The following TMEM132C variants were observed in gnomAD, a reference collection of about 807,000 sequenced individuals.
The protein encoded by TMEM132C is protein phosphatase 1, regulatory subunit 152.
TMEM132C carries 29 observed loss-of-function variants against 61.4 expected under a neutral mutation model. The observed-to-expected ratio is 0.47, with a 90% CI of 0.35 to 0.64. The LOEUF (loss-of-function observed/expected upper bound fraction) is 0.64, where lower values mean the gene tolerates loss of function less well. Ranked by LOEUF, TMEM132C falls within the 30% of genes least tolerant of loss-of-function variation. The pLI, the probability that TMEM132C is intolerant of heterozygous loss-of-function variation, is 0.00. For missense variants in TMEM132C, 1,408 were observed against 1,476.9 expected (o/e 0.95, Z 0.76); for synonymous variants, 656 against 633.1 (o/e 1.04, Z -0.54).
chr12:128,605,483 T>G (rs1166099938), intron 3 of TMEM132C, among the ~76,000 whole-genome samples: 2 of 152,178 alleles, frequency 1.3e-5, no homozygotes, highest in Non-Finnish European at 2.9e-5. Context: ...AGAAACACCC[T>G]CACAGATACA....
intron 1 of TMEM132C, among the ~76,000 whole-genome samples, chr12:128,380,736 C>T (rs1391404723): frequency 6.6e-6 from 1 of 152,158 alleles, no homozygotes. Context: ...CACAGCAAGA[C>T]CCCATCTCTT....
rs1288783795 is a variant in TMEM132C at position 128,705,555 on chromosome 12, C to A, written c.2587C>A (p.Leu863Met). The A allele has an allele frequency of 1.3e-6, 2 of 1,551,026 alleles. No individual in the cohort carries two copies. Among genetic ancestry groups the A allele is most frequent in the Non-Finnish European group, 1.7e-6 (2 of 1,147,006 alleles). Residue 863 changes from leucine (L) to methionine (M), a missense_variant, in exon 9 of 9, where the codon CTG becomes ATG. Physicochemically the swap from Leu to Met is conservative, Grantham distance 15. Coordinates refer to ENST00000435159, the MANE Select transcript of TMEM132C (RefSeq NM_001136103.3). ...AAGAGCCACTACCACGGCCAGGTCC[C>A]TGCTGGACAACAAAGTGGTGAAGAA... The part of the protein sequence containing the change: ...LRRATTTARS[L>M]LDNKVVKNSR...
At chr12:128,521,865 A>C (rs921714062) in intron 2 of TMEM132C, among the ~76,000 whole-genome samples, 1 of 152,316 alleles carries the variant, frequency 6.6e-6, no homozygotes, top group East Asian at 1.9e-4. Flanking sequence ...TGTATGTAAA[A>C]ATCCCTATCA....
At chr12:128,589,208 A>G (rs1428988189) in intron 3 of TMEM132C, among the ~76,000 whole-genome samples, 2 of 152,306 alleles carry the variant, frequency 1.3e-5, no homozygotes, top group Middle Eastern at 6.8e-3. Context: ...CACGAAGGCA[A>G]GGCGCACAAG....
Position 128,326,784 on chromosome 12 carries a change from C to T in TMEM132C, c.85+59297C>T, listed in dbSNP as rs571693804. Reference sequence around the variant, plus strand: ...CTTTATGGCTCCCACATCTCGTTACCGACTTCACAATATTTTTTTTTTCTT... The same window carrying T: ...CTTTATGGCTCCCACATCTCGTTACTGACTTCACAATATTTTTTTTTTCTT... On this transcript the variant is annotated intron_variant, in intron 1 of 8. Coordinates refer to ENST00000435159, the MANE Select transcript of TMEM132C (RefSeq NM_001136103.3). This position sits in a 1 kb window ranked among gnomAD's most constrained non-coding sequence, Gnocchi z 5.6. Among the ~76,000 whole-genome samples, 4 of 139,020 alleles carry T rather than the reference C, an allele frequency of 2.9e-5. No individual in the cohort carries two copies. The highest frequency in any genetic ancestry group is 5.9e-5 in the Non-Finnish European group (4 of 67,944). 91.2% of individuals were successfully genotyped at this position (139,020 alleles called of 152,430 possible).
intron 3 of TMEM132C, among the ~76,000 whole-genome samples, chr12:128,567,429 GAC>G (rs140541188): frequency 0.14 from 18,584 of 135,978 alleles, 1,253 homozygotes; most frequent in Admixed American, 0.21. Context: ...CATACCCATA[GAC>G]ACACACACAC....
At chr12:128,369,026 G>A (rs1873953554) in intron 1 of TMEM132C, among the ~76,000 whole-genome samples, 1 of 152,228 alleles carries the variant, frequency 6.6e-6, no homozygotes, top group Non-Finnish European at 1.5e-5. Flanking sequence ...GTCCTGAGAA[G>A]GTGTGAGTGG....
At chr12:128,324,084 C>T (rs949502941) in intron 1 of TMEM132C, among the ~76,000 whole-genome samples, 6 of 152,142 alleles carry the variant, frequency 3.9e-5, no homozygotes, top group African/African-American at 1.2e-4. Context: ...AATTTGTGGA[C>T]GTGTGATCTG....
chr12:128,624,457 T>C (rs1953994973), intron 4 of TMEM132C, among the ~76,000 whole-genome samples: 1 of 150,766 alleles, frequency 6.6e-6, no homozygotes, highest in Non-Finnish European at 1.5e-5. Context: ...GGCAGGAGAA[T>C]TGCTTGAACT....
At chr12:128,458,180 C>T (rs970897280) in intron 2 of TMEM132C, among the ~76,000 whole-genome samples, 1 of 147,612 alleles carries the variant, frequency 6.8e-6, no homozygotes, top group Non-Finnish European at 1.5e-5. Flanking sequence ...ATTAGAATAT[C>T]TCATATTTAT....
chr12:128,402,793 G>T (rs553206481), intron 1 of TMEM132C, among the ~76,000 whole-genome samples: 6 of 152,300 alleles, frequency 3.9e-5, no homozygotes, highest in South Asian at 2.1e-4. Context: ...TTGTAACTTC[G>T]CCTGGTAAAT....
intron 4 of TMEM132C, among the ~76,000 whole-genome samples, chr12:128,622,356 AAAAAATATAT>A (rs1161388078): frequency 1.7e-5 from 1 of 59,214 alleles, no homozygotes; most frequent in African/African-American, 8.5e-5. Flanking sequence ...AAAAAAAAAA[AAAAAATATAT>A]ATATATATAT....
At chr12:128,547,425 G>A (rs562829754) in intron 3 of TMEM132C, among the ~76,000 whole-genome samples, 20 of 151,446 alleles carry the variant, frequency 1.3e-4, no homozygotes, top group African/African-American at 2.9e-4. Context: ...TTAGCCGGGC[G>A]TGGTGGCGGG....
At chr12:128,561,098 A>G (rs897570641) in intron 3 of TMEM132C, among the ~76,000 whole-genome samples, 4 of 152,220 alleles carry the variant, frequency 2.6e-5, no homozygotes, top group African/African-American at 9.6e-5. Flanking sequence ...CCTCCCTGCC[A>G]GCTCTCCTCC....
intron 1 of TMEM132C, among the ~76,000 whole-genome samples, chr12:128,357,936 A>G (rs1873571502): frequency 6.6e-6 from 1 of 150,870 alleles, no homozygotes; most frequent in South Asian, 2.1e-4. Flanking sequence ...TTCAGACACC[A>G]TGAATGGAAC....
At chr12:128,301,505 A>G (rs1958660552) in intron 1 of TMEM132C, among the ~76,000 whole-genome samples, 1 of 152,184 alleles carries the variant, frequency 6.6e-6, no homozygotes, top group South Asian at 2.1e-4. Context: ...TGGCTCTAAC[A>G]TCTACAAATG....
chr12:128,401,925 C>T (rs1193123504), intron 1 of TMEM132C, among the ~76,000 whole-genome samples: 4 of 152,150 alleles, frequency 2.6e-5, no homozygotes, highest in East Asian at 1.9e-4. Flanking sequence ...ACATCCCTAT[C>T]GCCAGAGGCT....
chr12:128,699,864 G>A (rs1377697711), intron 8 of TMEM132C, among the ~76,000 whole-genome samples: 1 of 152,156 alleles, frequency 6.6e-6, no homozygotes, highest in African/African-American at 2.4e-5. Context: ...GAGGGACCTG[G>A]GGTGCATGCA....
chr12:128,532,911 C>G (rs1431871496), intron 2 of TMEM132C, among the ~76,000 whole-genome samples: 2 of 152,168 alleles, frequency 1.3e-5, no homozygotes, highest in Admixed American at 1.3e-4. Context: ...TATACACACC[C>G]TGATCCTAAG....
Sources: gnomAD v4.1 joint callset for allele counts (sites outside exome capture counted in the v4.1 genomes callset) on GRCh38, gnomAD v4.1.1 for gene constraint, Gnocchi (gnomAD v3.1) non-coding constraint, MANE v1.5 for transcripts, NCBI Gene and HGNC (gene_info 2026-07-23, HGNC 2026-07-21) for gene names.